TRPC6: variants seen among roughly 807,000 people sequenced by gnomAD.
TRPC6 encodes the protein short transient receptor potential channel 6.
Under a neutral mutation model 90.7 loss-of-function variants are expected in TRPC6, and 55 were observed. That is an observed-to-expected ratio of 0.61 (90% CI 0.49 to 0.76). The LOEUF is 0.76. Ranked by LOEUF, TRPC6 falls within the 30% of genes least tolerant of loss-of-function variation. The pLI, the probability that TRPC6 is intolerant of heterozygous loss-of-function variation, is 0.00. For synonymous variants in TRPC6, 393 were observed against 393.0 expected, an observed-to-expected ratio of 1.00 and a Z score of 0.00; for missense variants, 989 against 1,122.7, an observed-to-expected ratio of 0.88 and a Z score of 1.70.
At chr11:101,564,524 T>C (rs1266846676) in intron 1 of TRPC6, among the ~76,000 whole-genome samples, 2 of 152,164 alleles carry the variant, frequency 1.3e-5, no homozygotes, top group African/African-American at 4.8e-5. Context: ...CATCATTGTC[T>C]TCCTCCTGAA....
intron 1 of TRPC6, among the ~76,000 whole-genome samples, chr11:101,568,403 T>C (rs573348090): frequency 3.9e-5 from 6 of 152,230 alleles, no homozygotes; most frequent in African/African-American, 1.4e-4. Context: ...TACCTGAAAG[T>C]GATGGGAAGA....
At chr11:101,513,620 A>G (rs1860448194) in intron 1 of TRPC6, among the ~76,000 whole-genome samples, 1 of 152,182 alleles carries the variant, frequency 6.6e-6, no homozygotes, top group African/African-American at 2.4e-5. Flanking sequence ...ATGGGTAACC[A>G]CGGCATCATC....
intron 1 of TRPC6, among the ~76,000 whole-genome samples, chr11:101,567,074 G>T (rs569629597): frequency 6.6e-6 from 1 of 151,908 alleles, no homozygotes; most frequent in East Asian, 1.9e-4. Context: ...GGCGGGGTGG[G>T]GGGGGTCCAA....
At chr11:101,554,616 C>A (rs1861521092) in intron 1 of TRPC6, among the ~76,000 whole-genome samples, 1 of 152,074 alleles carries the variant, frequency 6.6e-6, no homozygotes, top group Non-Finnish European at 1.5e-5. Context: ...TGCCCAGTGC[C>A]AGGCAATGGG....
chr11:101,463,657 C>T (rs1173928614), intron 10 of TRPC6, among the ~76,000 whole-genome samples: 1 of 151,992 alleles, frequency 6.6e-6, no homozygotes, highest in Non-Finnish European at 1.5e-5. Flanking sequence ...TGGTGATATC[C>T]CCTATATCAT....
intron 1 of TRPC6, among the ~76,000 whole-genome samples, chr11:101,577,317 A>G (rs1361896238): frequency 2.3e-5 from 3 of 130,436 alleles, no homozygotes; most frequent in Admixed American, 2.2e-4. Context: ...TTCAATAAAT[A>G]TGTCTTGTTA....
intron 10 of TRPC6, among the ~76,000 whole-genome samples, chr11:101,458,443 G>C (rs759617997): frequency 1.3e-5 from 2 of 152,202 alleles, no homozygotes; most frequent in Admixed American, 6.6e-5. Context: ...CTGTTCAGAA[G>C]GTGGAACAGG....
rs1258467854 is a variant in TRPC6 at position 101,546,312 on chromosome 11, T to C, written c.170+37022A>G. Among the ~76,000 whole-genome samples the C allele has an allele frequency of 3.0e-5, 2 of 66,832 alleles. 1 individual carries two copies. Among genetic ancestry groups the C allele is most frequent in the Admixed American group, 3.5e-4 (2 of 5,746 alleles). 43.8% of individuals were successfully genotyped at this position (66,832 alleles called of 152,430 possible). A position where few individuals can be genotyped will look rare whatever the true frequency, so the allele number is the denominator to read the frequency against. ...TGGTCTCGATCTCCTGACCTCATGA[T>C]CCACCCGCCTCGGCCTCCCAAAGTG... On this transcript the variant is annotated intron_variant, in intron 1 of 12. Transcript: ENST00000344327.
chr11:101,482,046 G>A (rs1859563934), intron 5 of TRPC6, among the ~76,000 whole-genome samples: 2 of 152,146 alleles, frequency 1.3e-5, no homozygotes, highest in Middle Eastern at 3.4e-3. Context: ...GCCCAGGAAG[G>A]GCTTCTTGCC....
At chr11:101,513,333 G>A (rs1860440037) in intron 1 of TRPC6, among the ~76,000 whole-genome samples, 1 of 152,180 alleles carries the variant, frequency 6.6e-6, no homozygotes, top group Non-Finnish European at 1.5e-5. Flanking sequence ...TGCAAAACAT[G>A]AAGAGTAGGC....
chr11:101,543,021 A>T (rs923434722), intron 1 of TRPC6, among the ~76,000 whole-genome samples: 1 of 152,208 alleles, frequency 6.6e-6, no homozygotes, highest in African/African-American at 2.4e-5. Context: ...AATATTTACA[A>T]AATACATACA....
rs188810050 is a variant in TRPC6, at chr11:101,472,299, A to G, written c.2043T>C (p.Ala681=). Residue 681 remains alanine, a synonymous_variant, in exon 8 of 13, where the codon GCT becomes GCC. Coordinates refer to ENST00000344327, the MANE Select transcript of TRPC6 (RefSeq NM_004621.6). The part of the protein sequence containing the change: ...VEESFKTLFW[A]IFGLSEVKSV... ...ATTTCACTTCAGAAAGTCCAAATAT[A>G]GCCCAGAACAGTGTCTTAAAACTCT... is the stretch of plus-strand genomic sequence containing the variant. 5.5e-5 allele frequency: 89 copies of G among 1,612,824 alleles called. No individual in the cohort carries two copies. In the Admixed American group the frequency reaches 1.5e-3, roughly 27 times the overall value.
chr11:101,562,332 G>C (rs970456914), intron 1 of TRPC6, among the ~76,000 whole-genome samples: 1 of 150,268 alleles, frequency 6.7e-6, no homozygotes, highest in South Asian at 2.1e-4. Flanking sequence ...TATGTATTTA[G>C]TATATAATTT....
At chr11:101,458,868 T>C (rs1858942107) in intron 10 of TRPC6, among the ~76,000 whole-genome samples, 1 of 152,280 alleles carries the variant, frequency 6.6e-6, no homozygotes, top group South Asian at 2.1e-4. Context: ...CCTGAGTGAA[T>C]CAGAAATTCA....
intron 10 of TRPC6, among the ~76,000 whole-genome samples, chr11:101,460,262 T>C (rs1387218129): frequency 6.6e-6 from 1 of 152,190 alleles, no homozygotes; most frequent in Non-Finnish European, 1.5e-5. Flanking sequence ...TCCAAGACCC[T>C]CCTTCTGAGC....
chr11:101,460,189 G>A (rs373897816), intron 10 of TRPC6, among the ~76,000 whole-genome samples: 16 of 152,062 alleles, frequency 1.1e-4, no homozygotes, highest in East Asian at 3.8e-4. Flanking sequence ...TATGTTATAC[G>A]TAGTCAACTG....
Position 101,522,411 on chromosome 11 carries a change from C to G in TRPC6, c.171-17613G>C, listed in dbSNP as rs188176916. Among the ~76,000 whole-genome samples, 1,419 of 152,270 alleles carry G rather than the reference C, an allele frequency of 9.3e-3. 14 individuals are homozygous for G. Among genetic ancestry groups the G allele is most frequent in the Middle Eastern group, 0.017 (5 of 294 alleles). ...TCCTGAGGCCTCCCCAGCCATGCCTCCTGTACAGCCTGCAGAACTGTGAGT... is the reference window on the plus strand; with the variant it reads ...TCCTGAGGCCTCCCCAGCCATGCCTGCTGTACAGCCTGCAGAACTGTGAGT... On this transcript the variant is annotated intron_variant, in intron 1 of 12. Transcript: ENST00000344327.
intron 2 of TRPC6, among the ~76,000 whole-genome samples, chr11:101,500,269 C>T (rs867880681): frequency 7.1e-5 from 10 of 141,728 alleles, no homozygotes; most frequent in Middle Eastern, 4.5e-3. Flanking sequence ...AGTGCGGTGG[C>T]GCAATCTCAG....
At chr11:101,456,015 TA>T (rs1234332919) in intron 10 of TRPC6, among the ~76,000 whole-genome samples, 3 of 152,084 alleles carry the variant, frequency 2.0e-5, no homozygotes, top group Non-Finnish European at 4.4e-5. Flanking sequence ...AATTTGAAAA[TA>T]GCATCATTTT....
Sources: allele counts gnomAD v4.1 joint callset (sites outside exome capture counted in the v4.1 genomes callset), GRCh38; gene constraint gnomAD v4.1.1; transcripts MANE v1.5; gene names NCBI Gene and HGNC (gene_info 2026-07-23, HGNC 2026-07-21).